CDK17: variants seen among roughly 807,000 people sequenced by gnomAD.
The protein encoded by CDK17 is cyclin-dependent kinase 17.
CDK17 carries 24 observed loss-of-function variants against 77.6 expected under a neutral mutation model. The observed-to-expected ratio is 0.31, with a 90% confidence interval of 0.22 to 0.44. CDK17 has a LOEUF of 0.44. Ranked by LOEUF, CDK17 falls within the 20% of genes least tolerant of loss-of-function variation. The pLI, the probability that CDK17 is intolerant of heterozygous loss-of-function variation, is 1.00. For synonymous variants in CDK17, 203 were observed against 210.4 expected, an observed-to-expected ratio of 0.96 and a Z score of 0.30; for missense variants, 429 against 622.5, an observed-to-expected ratio of 0.69 and a Z score of 3.31.
intron 1 of CDK17, among the ~76,000 whole-genome samples, chr12:96,338,216 T>C (rs1248565074): frequency 1.3e-5 from 2 of 152,202 alleles, no homozygotes; most frequent in Non-Finnish European, 2.9e-5. Context: ...TGGTTGAAGC[T>C]CTTTGCATGT....
In CDK17 at chr12:96,294,584, C is replaced by CAAAAAAAAAAAA. The variant is rs11313631; in HGVS notation, c.997+403_997+414dup. ...GGCTTTAACAGCAAAATGCTGTCTTCAAAAAAAAAAAAAAAAAAAAAAAAA... is the reference window on the plus strand; with the variant it reads ...GGCTTTAACAGCAAAATGCTGTCTTCAAAAAAAAAAAAAAAAAAAAAAAAAAAAAAAAAAAAA... On this transcript the variant is annotated intron_variant, in intron 10 of 16. Transcript: ENST00000261211. Among the ~76,000 whole-genome samples the CAAAAAAAAAAAA allele has an allele frequency of 1.0e-3, 57 of 54,346 alleles. 1 individual carries two copies. Among genetic ancestry groups the CAAAAAAAAAAAA allele is most frequent in the Non-Finnish European group, 1.3e-3 (42 of 32,476 alleles). The allele number at this position is 54,346 out of a possible 152,430, so 35.7% of individuals were successfully genotyped here. A position where few individuals can be genotyped will look rare whatever the true frequency, so the allele number is the denominator to read the frequency against.
intron 1 of CDK17, among the ~76,000 whole-genome samples, chr12:96,380,165 T>G (rs1269062978): frequency 1.2e-5 from 1 of 84,722 alleles, no homozygotes; most frequent in Non-Finnish European, 2.3e-5. Context: ...GCAGACTCTG[T>G]CCCCCGACCA....
At chr12:96,322,863 A>C (rs1029729944) in intron 3 of CDK17, among the ~76,000 whole-genome samples, 21 of 152,322 alleles carry the variant, frequency 1.4e-4, no homozygotes, top group South Asian at 4.1e-4. Context: ...TGAAACTTTA[A>C]CAATCATCTC....
chr12:96,314,218 G>C (rs890678600), intron 3 of CDK17, among the ~76,000 whole-genome samples: 2 of 152,066 alleles, frequency 1.3e-5, no homozygotes, highest in African/African-American at 4.8e-5. Context: ...TTGTTTTTGA[G>C]ACAAGGTCTT....
intron 1 of CDK17, among the ~76,000 whole-genome samples, chr12:96,392,313 T>C (rs1302762088): frequency 3.3e-5 from 5 of 152,114 alleles, no homozygotes; most frequent in Admixed American, 6.6e-5. Context: ...GCCCCTACCA[T>C]AGTGTCTAGT....
intron 1 of CDK17, among the ~76,000 whole-genome samples, chr12:96,349,250 T>TG (rs1304539715): frequency 1.3e-5 from 2 of 152,148 alleles, no homozygotes; most frequent in African/African-American, 4.8e-5. Context: ...GGTCAGGCGT[T>TG]GGAGACCAGC....
chr12:96,388,238 G>A (rs927956995), intron 1 of CDK17, among the ~76,000 whole-genome samples: 4 of 152,190 alleles, frequency 2.6e-5, no homozygotes, highest in African/African-American at 9.7e-5. Flanking sequence ...GAACAGAACA[G>A]GGAAAATGGT....
intron 11 of CDK17, among the ~76,000 whole-genome samples, chr12:96,286,995 C>T (rs371344198): frequency 3.3e-5 from 5 of 152,144 alleles, no homozygotes; most frequent in African/African-American, 1.2e-4. Flanking sequence ...TTGCATAATC[C>T]TTGAAGAATA....
chr12:96,400,011 C>T lies in CDK17; in HGVS notation c.-55G>A, dbSNP rs962671306. 1.8e-5 allele frequency: 7 copies of T among 384,044 alleles called. No individual in the cohort carries two copies. The highest frequency in any genetic ancestry group is 3.7e-5 in the East Asian group (1 of 26,910). The allele number at this position is 384,044 out of a possible 1,614,324, so 23.8% of individuals were successfully genotyped here. On this transcript the variant is annotated 5_prime_UTR_variant, in exon 1 of 17. Transcript: ENST00000261211. ...CAGCAAGAGCGGGGACCGCGGGTCCCGAGGCGAGGCGAAGAGAGGCGCGGG... is the reference window on the plus strand; with the variant it reads ...CAGCAAGAGCGGGGACCGCGGGTCCTGAGGCGAGGCGAAGAGAGGCGCGGG...
intron 10 of CDK17, among the ~76,000 whole-genome samples, chr12:96,291,908 T>C (rs1952329463): frequency 6.6e-6 from 1 of 152,110 alleles, no homozygotes; most frequent in Admixed American, 6.6e-5. Flanking sequence ...CCATTCATTT[T>C]GGGATTGGGA....
At chr12:96,346,518 T>C (rs1035615495) in intron 1 of CDK17, among the ~76,000 whole-genome samples, 1 of 151,762 alleles carries the variant, frequency 6.6e-6, no homozygotes, top group African/African-American at 2.4e-5. Context: ...ATCCCAGCTA[T>C]TCAGGAGGCT....
In CDK17 at chr12:96,352,660, GC is replaced by G. The variant is rs1953329275; in HGVS notation, c.-29-17796del. On this transcript the variant is annotated intron_variant, in intron 1 of 16. Coordinates refer to ENST00000261211, the MANE Select transcript of CDK17 (RefSeq NM_002595.5). ...TCCCATCCCAAACTGAACTGACTCAGCCCCTAACACTAGTGACCTGACAGAA... is the reference window on the plus strand; with the variant it reads ...TCCCATCCCAAACTGAACTGACTCAGCCCTAACACTAGTGACCTGACAGAA... Among the ~76,000 whole-genome samples the G allele has an allele frequency of 3.3e-5, 5 of 152,136 alleles. No individual in the cohort carries two copies. In the South Asian group the frequency reaches 1.0e-3, roughly 32 times the overall value.
intron 1 of CDK17, among the ~76,000 whole-genome samples, chr12:96,379,303 G>A (rs769471833): frequency 3.6e-4 from 55 of 152,042 alleles, no homozygotes; most frequent in Non-Finnish European, 6.5e-4. Context: ...ATATTAGCAG[G>A]GAGATAAAGG....
intron 1 of CDK17, among the ~76,000 whole-genome samples, chr12:96,348,774 A>G (rs1953267972): frequency 6.6e-6 from 1 of 152,188 alleles, no homozygotes; most frequent in Non-Finnish European, 1.5e-5. Flanking sequence ...ACAAGAAGAA[A>G]GAGACAACCA....
chr12:96,353,570 C>T (rs1472655974), intron 1 of CDK17, among the ~76,000 whole-genome samples: 1 of 148,044 alleles, frequency 6.8e-6, no homozygotes, highest in African/African-American at 2.5e-5. Context: ...GCATATGTAC[C>T]ACCAGAGCAA....
At chr12:96,380,260 G>T in intron 1 of CDK17, among the ~76,000 whole-genome samples, 1 of 146,740 alleles carries the variant, frequency 6.8e-6, no homozygotes, top group Admixed American at 6.9e-5. Context: ...CCCAAAAAAG[G>T]CACAAGTAGC....
intron 16 of CDK17, 189 bp from the exon 17 acceptor site, chr12:96,280,468 T>G (rs1350410950): frequency 1.4e-6 from 2 of 1,415,650 alleles, no homozygotes; most frequent in Non-Finnish European, 1.8e-6. Context: ...TTCGAAGTGA[T>G]GAACCTGATG....
chr12:96,292,236 C>T (rs1157675249), intron 10 of CDK17, among the ~76,000 whole-genome samples: 1 of 152,048 alleles, frequency 6.6e-6, no homozygotes, highest in Non-Finnish European at 1.5e-5. Context: ...ATAAACTCAC[C>T]ATTTAATGAC....
At chr12:96,336,743 C>A (rs567635165) in intron 1 of CDK17, among the ~76,000 whole-genome samples, 1 of 152,226 alleles carries the variant, frequency 6.6e-6, no homozygotes, top group South Asian at 2.1e-4. Flanking sequence ...TTAAACCCAT[C>A]TGTTGTGCTC....
Sources: gnomAD v4.1 joint callset for allele counts (sites outside exome capture counted in the v4.1 genomes callset) on GRCh38, gnomAD v4.1.1 for gene constraint, MANE v1.5 for transcripts, NCBI Gene and HGNC (gene_info 2026-07-23, HGNC 2026-07-21) for gene names.